Variants in KDM5A observed in about 807,000 individuals in gnomAD.
KDM5A encodes lysine demethylase 5A.
A neutral mutation model predicts 193.5 loss-of-function variants in KDM5A; 42 were observed. That is an observed-to-expected ratio of 0.22 (90% CI 0.17 to 0.28). The LOEUF is 0.28. KDM5A is among the 10% of genes least tolerant of loss of function. KDM5A has a pLI of 1.00. For synonymous variants in KDM5A, 796 were observed against 718.1 expected (o/e 1.11, Z -1.73); for missense variants, 1,692 against 2,055.1 (o/e 0.82, Z 3.42).
At chr12:376,348 C>A (rs549563209) in intron 3 of KDM5A, among the ~76,000 whole-genome samples, 31 of 152,296 alleles carry the variant, frequency 2.0e-4, no homozygotes, top group African/African-American at 7.0e-4. Flanking sequence ...TAGCAATGAG[C>A]GAGGCTCCGT....
chr12:344,451 A>G (rs553364756), intron 10 of KDM5A, among the ~76,000 whole-genome samples: 2 of 152,316 alleles, frequency 1.3e-5, no homozygotes, highest in East Asian at 3.9e-4. Flanking sequence ...AGCAAACCCA[A>G]GACACATAAT....
At chr12:326,040 T>G (rs904958700) in intron 14 of KDM5A, among the ~76,000 whole-genome samples, 1 of 151,934 alleles carries the variant, frequency 6.6e-6, no homozygotes, top group Non-Finnish European at 1.5e-5. Flanking sequence ...AACGTATGAG[T>G]CAAGATCACG....
chr12:286,057 T>C (rs1052823217), intron 27 of KDM5A: 5 of 421,370 alleles, frequency 1.2e-5, no homozygotes, highest in South Asian at 1.9e-5. Context: ...AGTACAACAA[T>C]GTGAAGGCAA....
chr12:378,285 T>C (rs1028654593), intron 3 of KDM5A, among the ~76,000 whole-genome samples: 5 of 151,924 alleles, frequency 3.3e-5, no homozygotes, highest in African/African-American at 1.2e-4. Flanking sequence ...CTTTTTTTTT[T>C]AAAGACAGGG....
Position 345,015 on chromosome 12 carries a change from G to C in KDM5A, c.1308+5606C>G, listed in dbSNP as rs577377080. 7.9e-4 allele frequency among the ~76,000 whole-genome samples: 120 copies of C among 152,150 alleles called. 1 individual carries two copies. The highest frequency in any genetic ancestry group is 3.7e-3 in the South Asian group (18 of 4,812). On this transcript the variant is annotated intron_variant, in intron 10 of 27. Coordinates refer to ENST00000399788, the MANE Select transcript of KDM5A (RefSeq NM_001042603.3). ...AGACCCATCAGTGTGCCGTATTCAG[G>C]AGACCCATCTCACGTGCAAAGACGC...
chr12:370,881 T>C (rs907515026), intron 3 of KDM5A, among the ~76,000 whole-genome samples: 1 of 152,210 alleles, frequency 6.6e-6, no homozygotes. Context: ...TTTTCTGTTC[T>C]TGTGACAGTT....
At chr12:385,859 A>G (rs1944631904) in intron 2 of KDM5A, 38 bp downstream of exon 2, 1 of 1,515,820 alleles carries the variant, frequency 6.6e-7, no homozygotes, top group Admixed American at 1.7e-5. Flanking sequence ...TAATATAAAG[A>G]ATGAATCAGG....
At chr12:300,377 A>G (rs948510815) in intron 24 of KDM5A, among the ~76,000 whole-genome samples, 15 of 152,158 alleles carry the variant, frequency 9.9e-5, no homozygotes, top group African/African-American at 3.6e-4. Context: ...GGATTAAGAA[A>G]CTCACTCAAA....
At chr12:348,613 G>C (rs547922770) in intron 10 of KDM5A, among the ~76,000 whole-genome samples, 2 of 152,276 alleles carry the variant, frequency 1.3e-5, no homozygotes, top group East Asian at 1.9e-4. Context: ...CCTTTGCAGG[G>C]ACATGGATGA....
chr12:291,180 G>C (rs928293594), intron 27 of KDM5A, among the ~76,000 whole-genome samples: 1 of 152,064 alleles, frequency 6.6e-6, no homozygotes, highest in African/African-American at 2.4e-5. Context: ...TAAACAGTCT[G>C]ACAATGATAT....
chr12:370,762 C>A (rs1216601741), intron 3 of KDM5A, among the ~76,000 whole-genome samples: 2 of 152,178 alleles, frequency 1.3e-5, no homozygotes, highest in Admixed American at 1.3e-4. Context: ...CTATCCCTCC[C>A]CACTACCCCC....
Position 389,106 on chromosome 12 carries a change from G to C in KDM5A, c.-15C>G, listed in dbSNP as rs757934909. 0.02 allele frequency: 26,435 copies of C among 1,328,360 alleles called. 290 individuals are homozygous for C. The highest frequency in any genetic ancestry group is 0.12 in the African/African-American group (6,895 of 59,930). 82.3% of individuals were successfully genotyped at this position (1,328,360 alleles called of 1,614,324 possible). A position where few individuals can be genotyped will look rare whatever the true frequency, so the allele number is the denominator to read the frequency against. On this transcript the variant is annotated 5_prime_UTR_variant, in exon 1 of 28. Coordinates refer to ENST00000399788, the MANE Select transcript of KDM5A (RefSeq NM_001042603.3). The stretch of plus-strand genomic sequence containing the variant: ...ACGCCCGCCATTGCAACGGCCGGGG[G>C]GGGGGGGGGGTCCCCGTGGGGAACC...
intron 25 of KDM5A, among the ~76,000 whole-genome samples, chr12:295,994 TA>T (rs1165114677): frequency 1.3e-5 from 2 of 151,804 alleles, no homozygotes; most frequent in African/African-American, 4.8e-5. Context: ...AGGCCCACTC[TA>T]AAAAAAATGG....
intron 14 of KDM5A, among the ~76,000 whole-genome samples, chr12:325,350 C>T (rs969719336): frequency 1.1e-4 from 17 of 152,298 alleles, no homozygotes; most frequent in African/African-American, 3.8e-4. Flanking sequence ...CCAAAGTGTA[C>T]TCCAAGGATC....
intron 3 of KDM5A, among the ~76,000 whole-genome samples, chr12:367,144 C>T (rs902660999): frequency 4.6e-5 from 7 of 152,140 alleles, no homozygotes; most frequent in East Asian, 1.9e-4. Context: ...TTAAGTGACA[C>T]GATTGTACAG....
rs1203033135 is a variant in KDM5A, at chr12:353,978, C to T, written c.1029+98G>A. On this transcript the variant is annotated intron_variant, in intron 8 of 27. Coordinates refer to ENST00000399788, the MANE Select transcript of KDM5A (RefSeq NM_001042603.3). ...ACACTACATAATGAAGACAGAATGA[C>T]AAAAGGAAACATATTTGGGAATATG... The T allele has an allele frequency of 5.5e-6, 5 of 909,940 alleles. No homozygotes were observed. The East Asian group carries it at 1.1e-4, about 20-fold the overall frequency. 56.4% of individuals were successfully genotyped at this position (909,940 alleles called of 1,614,324 possible).
At chr12:348,427 T>C (rs1944106141) in intron 10 of KDM5A, among the ~76,000 whole-genome samples, 1 of 152,180 alleles carries the variant, frequency 6.6e-6, no homozygotes, top group Non-Finnish European at 1.5e-5. Flanking sequence ...ACCCAAAGGA[T>C]TACAAATCAT....
intron 10 of KDM5A, among the ~76,000 whole-genome samples, chr12:337,083 T>C (rs1021952293): frequency 6.6e-6 from 1 of 152,144 alleles, no homozygotes; most frequent in Non-Finnish European, 1.5e-5. Flanking sequence ...CTCACAATAG[T>C]GAGTTCTCAC....
intron 27 of KDM5A, chr12:286,058 G>A (rs1337484775): frequency 7.1e-6 from 3 of 421,350 alleles, no homozygotes; most frequent in African/African-American, 6.2e-5. Context: ...GTACAACAAT[G>A]TGAAGGCAAT....
Sources: gnomAD v4.1 joint callset for allele counts (sites outside exome capture counted in the v4.1 genomes callset) on GRCh38, gnomAD v4.1.1 for gene constraint, MANE v1.5 for transcripts, NCBI Gene and HGNC (gene_info 2026-07-23, HGNC 2026-07-21) for gene names.